The following ALPK2 variants were observed in gnomAD, a reference collection of about 807,000 sequenced individuals.
The protein encoded by ALPK2 is alpha-protein kinase 2.
A neutral mutation model predicts 163.1 loss-of-function variants in ALPK2; 127 were observed. That is an observed-to-expected ratio of 0.78 (90% CI 0.67 to 0.90). The LOEUF (loss-of-function observed/expected upper bound fraction) is 0.90, where lower values mean the gene tolerates loss of function less well. Among genes scored for constraint, ALPK2 ranks in the 40% least tolerant of loss-of-function variants. The pLI is 0.00. For missense variants in ALPK2, 2,360 were observed against 2,589.6 expected (o/e 0.91, Z 1.92); for synonymous variants, 953 against 959.1 (o/e 0.99, Z 0.12).
At chr18:58,604,673 G>A (rs1338834985) in intron 3 of ALPK2, among the ~76,000 whole-genome samples, 3 of 152,172 alleles carry the variant, frequency 2.0e-5, no homozygotes, top group Non-Finnish European at 4.4e-5. Context: ...CTTGCATTAC[G>A]ACGGAATACT....
At chr18:58,573,343 T>C (rs1050088957) in intron 4 of ALPK2, among the ~76,000 whole-genome samples, 1 of 139,236 alleles carries the variant, frequency 7.2e-6, no homozygotes, top group Admixed American at 7.1e-5. Flanking sequence ...TGTGTATATA[T>C]ATGTATATAT....
At chr18:58,555,339 A>T (rs1438192475) in intron 4 of ALPK2, among the ~76,000 whole-genome samples, 4 of 152,224 alleles carry the variant, frequency 2.6e-5, no homozygotes, top group African/African-American at 9.6e-5. Flanking sequence ...CTTAGGTGAG[A>T]TAACACTGAG....
At chr18:58,528,166 T>C (rs183413796) in intron 6 of ALPK2, among the ~76,000 whole-genome samples, 1 of 152,354 alleles carries the variant, frequency 6.6e-6, no homozygotes, top group East Asian at 1.9e-4. Flanking sequence ...ATCAGGTTTA[T>C]TCCACAGGGG....
Position 58,504,139 on chromosome 18 carries a change from A to G in ALPK2, c.6039T>C (p.Pro2013=), listed in dbSNP as rs1423234782. 1 of 1,614,000 alleles carries G rather than the reference A, an allele frequency of 6.2e-7. No individual in the cohort carries two copies. Among genetic ancestry groups the G allele is most frequent in the South Asian group, 1.1e-5 (1 of 91,082 alleles). ...TCTCAGGCCGATGGATAAGAAAAAT[A>G]GGAATGATCCTGGCAGGGAAGAGAA... The part of the protein sequence containing the change: ...EGFGEVPEII[P]IFLIHRPENN... Residue 2013 remains proline, a synonymous_variant, in exon 11 of 13, where the codon CCT becomes CCC. Coordinates refer to ENST00000361673, the MANE Select transcript of ALPK2 (RefSeq NM_052947.4).
intron 4 of ALPK2, among the ~76,000 whole-genome samples, chr18:58,555,164 G>A (rs143214086): frequency 1.2e-4 from 18 of 152,316 alleles, no homozygotes; most frequent in African/African-American, 4.3e-4. Context: ...CTTCAAGAGG[G>A]TGGGAACACA....
chr18:58,538,897 C>A (rs918662466), intron 4 of ALPK2, among the ~76,000 whole-genome samples: 2 of 151,838 alleles, frequency 1.3e-5, no homozygotes, highest in Non-Finnish European at 2.9e-5. Context: ...CCATCCCCAC[C>A]CCCACCCTGC....
At chr18:58,612,526 A>G (rs372249760) in intron 1 of ALPK2, among the ~76,000 whole-genome samples, 4 of 152,356 alleles carry the variant, frequency 2.6e-5, no homozygotes, top group South Asian at 4.1e-4. Flanking sequence ...TACATTTTAC[A>G]GAGGTGGAAC....
intron 2 of ALPK2, among the ~76,000 whole-genome samples, chr18:58,608,966 A>AAAAAG (rs541331945): frequency 5.5e-4 from 84 of 151,630 alleles, no homozygotes; most frequent in East Asian, 1.7e-3. Context: ...TCAAAAAAAA[A>AAAAAG]AAAAGAAAAG....
chr18:58,549,858 G>A (rs1349458748), intron 4 of ALPK2, among the ~76,000 whole-genome samples: 1 of 152,140 alleles, frequency 6.6e-6, no homozygotes, highest in Non-Finnish European at 1.5e-5. Flanking sequence ...GCTAGTTCCT[G>A]TGTCCTGAAA....
intron 10 of ALPK2, among the ~76,000 whole-genome samples, chr18:58,507,109 A>G (rs1327882207): frequency 1.3e-5 from 2 of 152,244 alleles, no homozygotes; most frequent in African/African-American, 4.8e-5. Context: ...TTTGATGTTC[A>G]TTAATTTTTT....
chr18:58,538,452 A>G (rs2144150072), intron 4 of ALPK2: 2 of 485,978 alleles, frequency 4.1e-6, no homozygotes, highest in Middle Eastern at 5.3e-4. Flanking sequence ...ATTCATCATT[A>G]TAAGCAAAAA....
intron 3 of ALPK2, among the ~76,000 whole-genome samples, chr18:58,583,640 T>C (rs755608665): frequency 2.0e-5 from 3 of 150,378 alleles, no homozygotes; most frequent in Non-Finnish European, 2.9e-5. Context: ...ATGGCAAGAC[T>C]CCATCTCTGT....
At chr18:58,504,244 A>G (rs1258262818) in intron 10 of ALPK2, 96 bp from the exon 11 acceptor site, 33 of 1,039,026 alleles carry the variant, frequency 3.2e-5, no homozygotes, top group Non-Finnish European at 4.7e-5. Flanking sequence ...CACGGAGCAT[A>G]GAATTTGTCC....
rs56067275 is a variant in ALPK2, at chr18:58,517,057, G to A, written c.5791C>T (p.Arg1931Cys). The part of the protein sequence containing the change: ...EELHFGEGVH[R>C]KAFRSTVMHG... ...ATCACTGTGCTGCGGAAGGCTTTGC[G>A]GTGAACCCCTTCTCCAAAGTGCAGC... The change falls in exon 9 of 13, where the codon CGC becomes TGC. Residue 1931 changes from arginine (R) to cysteine (C), a missense_variant. Arg to Cys is a radical substitution (Grantham distance 180, BLOSUM62 -3). Coordinates refer to ENST00000361673, the MANE Select transcript of ALPK2 (RefSeq NM_052947.4). 379 of 1,614,222 alleles carry A rather than the reference G, an allele frequency of 2.3e-4. No individual in the cohort carries two copies. The highest frequency in any genetic ancestry group is 2.9e-4 in the Non-Finnish European group (348 of 1,180,042).
intron 12 of ALPK2, among the ~76,000 whole-genome samples, chr18:58,482,746 C>G (rs937565445): frequency 2.0e-5 from 3 of 152,246 alleles, no homozygotes; most frequent in Middle Eastern, 6.8e-3. Context: ...TTGGTTGGGA[C>G]ATTTAAATAC....
chr18:58,599,322 T>G (rs2052057152), intron 3 of ALPK2, among the ~76,000 whole-genome samples: 1 of 152,208 alleles, frequency 6.6e-6, no homozygotes, highest in Non-Finnish European at 1.5e-5. Context: ...GTCTGAGTCA[T>G]GGCCCTGATG....
At chr18:58,487,960 G>C (rs2051348895) in intron 12 of ALPK2, among the ~76,000 whole-genome samples, 1 of 152,166 alleles carries the variant, frequency 6.6e-6, no homozygotes, top group Non-Finnish European at 1.5e-5. Context: ...ATGACCTCGA[G>C]ACCCTGTTAA....
At chr18:58,608,236 A>G (rs1410268149) in intron 2 of ALPK2, among the ~76,000 whole-genome samples, 1 of 152,244 alleles carries the variant, frequency 6.6e-6, no homozygotes, top group Non-Finnish European at 1.5e-5. Context: ...TTTCTTCCTG[A>G]GGATGAAGAG....
intron 4 of ALPK2, among the ~76,000 whole-genome samples, chr18:58,558,960 T>A (rs2051809152): frequency 1.3e-5 from 2 of 152,208 alleles, no homozygotes; most frequent in Admixed American, 1.3e-4. Context: ...TAAGTATGGG[T>A]TTCTTTCAGG....
Sources: allele counts gnomAD v4.1 joint callset (sites outside exome capture counted in the v4.1 genomes callset), GRCh38; gene constraint gnomAD v4.1.1; transcripts MANE v1.5; gene names NCBI Gene and HGNC (gene_info 2026-07-23, HGNC 2026-07-21).